The following DPYD variants were observed in gnomAD, a reference collection of about 807,000 sequenced individuals.
DPYD encodes dihydropyrimidine dehydrogenase [NADP(+)].
In DPYD, 109 loss-of-function variants were observed where a neutral mutation model predicts 116.2. The observed-to-expected ratio is 0.94, with a 90% CI of 0.80 to 1.10. DPYD has a LOEUF of 1.10. Among genes scored for constraint, DPYD ranks in the 50% least tolerant of loss-of-function variants. DPYD has a pLI of 0.00. For missense variants in DPYD, 1,302 were observed against 1,254.5 expected, an observed-to-expected ratio of 1.04 and a Z score of -0.57; for synonymous variants, 440 against 432.0, an observed-to-expected ratio of 1.02 and a Z score of -0.23.
intron 5 of DPYD, among the ~76,000 whole-genome samples, chr1:97,712,158 C>A (rs1381585839): frequency 6.6e-6 from 1 of 151,770 alleles, no homozygotes; most frequent in Non-Finnish European, 1.5e-5. Flanking sequence ...TCCTCCTGTG[C>A]CAATCTCTGT....
At chr1:97,864,627 C>G (rs1306755560) in intron 2 of DPYD, among the ~76,000 whole-genome samples, 1 of 151,568 alleles carries the variant, frequency 6.6e-6, no homozygotes, top group Non-Finnish European at 1.5e-5. Context: ...AAGAGATGGG[C>G]AGAAGGAATA....
At chr1:97,224,413 G>A (rs1660979299) in intron 19 of DPYD, among the ~76,000 whole-genome samples, 1 of 151,918 alleles carries the variant, frequency 6.6e-6, no homozygotes, top group South Asian at 2.1e-4. Flanking sequence ...TAAGTGTACT[G>A]CATGATGTTT....
chr1:97,696,969 C>T (rs1292087790), intron 6 of DPYD, among the ~76,000 whole-genome samples: 1 of 151,950 alleles, frequency 6.6e-6, no homozygotes, highest in Non-Finnish European at 1.5e-5. Flanking sequence ...GCAGCATTGG[C>T]CTCACTATCC....
At chr1:97,771,471 T>C (rs1666139626) in intron 3 of DPYD, among the ~76,000 whole-genome samples, 2 of 152,294 alleles carry the variant, frequency 1.3e-5, no homozygotes, top group South Asian at 2.1e-4. Context: ...CATACAGATT[T>C]ATTTCAAATA....
intron 3 of DPYD, among the ~76,000 whole-genome samples, chr1:97,790,770 A>G (rs1667281234): frequency 6.6e-6 from 1 of 152,194 alleles, no homozygotes; most frequent in South Asian, 2.1e-4. Flanking sequence ...AATTACTAGA[A>G]AGACATTCTG....
intron 8 of DPYD, among the ~76,000 whole-genome samples, chr1:97,636,751 T>A (rs1355057534): frequency 6.6e-6 from 1 of 152,180 alleles, no homozygotes; most frequent in Non-Finnish European, 1.5e-5. Context: ...CAGTAATGTC[T>A]GAATTCTTTA....
intron 20 of DPYD, among the ~76,000 whole-genome samples, chr1:97,154,579 AC>A (rs1570564519): frequency 1.3e-5 from 2 of 152,082 alleles, no homozygotes; most frequent in East Asian, 3.9e-4. Flanking sequence ...AACAGGCGAA[AC>A]CATTAGCCAT....
intron 7 of DPYD, among the ~76,000 whole-genome samples, chr1:97,682,721 G>T (rs1484971128): frequency 1.3e-5 from 2 of 152,018 alleles, no homozygotes; most frequent in Non-Finnish European, 2.9e-5. Context: ...CGGGCATTTT[G>T]TTTGGTGTTT....
At chr1:97,914,058 G>A (rs1158153863) in intron 1 of DPYD, among the ~76,000 whole-genome samples, 7 of 152,198 alleles carry the variant, frequency 4.6e-5, no homozygotes, top group African/African-American at 1.7e-4. Context: ...CCAAGCACCT[G>A]GGAGGTAGGG....
chr1:97,169,347 T>C (rs1270715841), intron 20 of DPYD, among the ~76,000 whole-genome samples: 4 of 152,150 alleles, frequency 2.6e-5, no homozygotes, highest in Non-Finnish European at 5.9e-5. Flanking sequence ...TAATCCATAA[T>C]GTATTCTTTT....
intron 1 of DPYD, among the ~76,000 whole-genome samples, chr1:97,912,980 A>G (rs1052450344): frequency 6.6e-6 from 1 of 152,116 alleles, no homozygotes; most frequent in South Asian, 2.1e-4. Context: ...TACAATCATC[A>G]ATCAACAAAC....
chr1:97,767,621 C>G (rs1400897610), intron 3 of DPYD, among the ~76,000 whole-genome samples: 15 of 152,064 alleles, frequency 9.9e-5, no homozygotes, highest in Non-Finnish European at 4.4e-5. Context: ...CTACAGGCAG[C>G]AAATCCCAAA....
At chr1:97,611,864 C>T (rs2100749600) in intron 8 of DPYD, among the ~76,000 whole-genome samples, 1 of 152,192 alleles carries the variant, frequency 6.6e-6, no homozygotes, top group Non-Finnish European at 1.5e-5. Context: ...TTAATAGTTA[C>T]TACACAGGTG....
rs1648908155 is a variant in DPYD at position 97,078,064 on chromosome 1, T to C, written c.*912A>G. On this transcript the variant is annotated 3_prime_UTR_variant, in exon 23 of 23. Coordinates refer to ENST00000370192, the MANE Select transcript of DPYD (RefSeq NM_000110.4). ...TAAAACAGAGAGTAGTCAAACTGAT[T>C]TGGCACACTTAATATATATTATCAA... 1 of 152,160 alleles carries C rather than the reference T, an allele frequency of 6.6e-6. No homozygotes were observed. The highest frequency in any genetic ancestry group is 2.1e-4 in the South Asian group (1 of 4,834). The allele number at this position is 152,160 out of a possible 1,614,324, so 9.4% of individuals were successfully genotyped here.
intron 2 of DPYD, among the ~76,000 whole-genome samples, chr1:97,845,388 A>G (rs377344062): frequency 1.5e-4 from 23 of 152,216 alleles, no homozygotes; most frequent in East Asian, 1.2e-3. Flanking sequence ...GAGCTACCCA[A>G]TTTGGGTCTT....
chr1:97,284,219 T>A (rs1432428840), intron 18 of DPYD, among the ~76,000 whole-genome samples: 1 of 152,152 alleles, frequency 6.6e-6, no homozygotes, highest in Non-Finnish European at 1.5e-5. Context: ...GTTCATGGTA[T>A]ATATCTTTGT....
At chr1:97,391,048 C>CTTTTTTT (rs571016808) in intron 14 of DPYD, among the ~76,000 whole-genome samples, 18 of 132,460 alleles carry the variant, frequency 1.4e-4, no homozygotes, top group East Asian at 9.0e-4. Context: ...TACTTTTCCT[C>CTTTTTTT]TTTTTTTTTT....
intron 8 of DPYD, among the ~76,000 whole-genome samples, chr1:97,624,631 T>G (rs985327725): frequency 1.3e-5 from 2 of 151,952 alleles, no homozygotes; most frequent in African/African-American, 4.8e-5. Context: ...CCCAAAAGAT[T>G]TGAAATCAGT....
intron 14 of DPYD, among the ~76,000 whole-genome samples, chr1:97,391,245 T>TAGAA (rs1672689234): frequency 2.0e-5 from 3 of 151,934 alleles, no homozygotes; most frequent in Non-Finnish European, 4.4e-5. Flanking sequence ...AACTGCATCT[T>TAGAA]TTTCCTAAGT....
Sources: gnomAD v4.1 joint callset for allele counts (sites outside exome capture counted in the v4.1 genomes callset) on GRCh38, gnomAD v4.1.1 for gene constraint, MANE v1.5 for transcripts, NCBI Gene and HGNC (gene_info 2026-07-23, HGNC 2026-07-21) for gene names.